The following KIAA1328 variants were observed in gnomAD, a reference collection of about 807,000 sequenced individuals.
KIAA1328 encodes protein hinderin.
KIAA1328 carries 52 observed loss-of-function variants against 68.1 expected under a neutral mutation model. That is an observed-to-expected ratio of 0.76 (90% confidence interval 0.61 to 0.96). The LOEUF is 0.96. Ranked by LOEUF, KIAA1328 falls within the 40% of genes least tolerant of loss-of-function variation. The pLI is 0.00. For missense variants in KIAA1328, 641 were observed against 677.6 expected (o/e 0.95, Z 0.60); for synonymous variants, 232 against 239.4 (o/e 0.97, Z 0.28).
chr18:36,983,519 C>T (rs2052781869), intron 6 of KIAA1328, among the ~76,000 whole-genome samples: 1 of 151,906 alleles, frequency 6.6e-6, no homozygotes, highest in Admixed American at 6.6e-5. Context: ...ATGTAGAACA[C>T]TTCAAAAATA....
intron 9 of KIAA1328, among the ~76,000 whole-genome samples, chr18:37,216,561 GT>G (rs1381720253): frequency 1.3e-5 from 2 of 152,138 alleles, no homozygotes; most frequent in Non-Finnish European, 2.9e-5. Flanking sequence ...TATGTGGTCA[GT>G]TTTGGAATAA....
intron 7 of KIAA1328, among the ~76,000 whole-genome samples, chr18:37,127,103 T>A (rs2058412078): frequency 6.6e-6 from 1 of 152,174 alleles, no homozygotes; most frequent in Admixed American, 6.5e-5. Context: ...AAAGGCTACA[T>A]TACTGGAAAG....
chr18:37,170,883 A>T (rs1248969261), intron 8 of KIAA1328, among the ~76,000 whole-genome samples: 1 of 152,196 alleles, frequency 6.6e-6, no homozygotes, highest in Non-Finnish European at 1.5e-5. Context: ...AAGGTAAAAC[A>T]ATAGAGATAG....
At chr18:37,069,900 T>C (rs1458600036) in intron 7 of KIAA1328, among the ~76,000 whole-genome samples, 1 of 152,102 alleles carries the variant, frequency 6.6e-6, no homozygotes, top group Non-Finnish European at 1.5e-5. Flanking sequence ...TTTCCTAATT[T>C]GTTAAGGTGG....
At chr18:36,880,706 A>G (rs958497238) in intron 4 of KIAA1328, among the ~76,000 whole-genome samples, 34 of 152,150 alleles carry the variant, frequency 2.2e-4, no homozygotes, top group African/African-American at 7.5e-4. Context: ...TGTTAACTGT[A>G]GGATTTTTTT....
At chr18:37,136,217 TG>T (rs2058641016) in intron 7 of KIAA1328, among the ~76,000 whole-genome samples, 2 of 152,344 alleles carry the variant, frequency 1.3e-5, no homozygotes, top group East Asian at 3.9e-4. Flanking sequence ...CAGTGGACCT[TG>T]GTTTTCTTAA....
chr18:36,893,465 T>TTTGTGTGTGTGTGTGTGTG (rs1556812093), intron 5 of KIAA1328, among the ~76,000 whole-genome samples: 7 of 120,598 alleles, frequency 5.8e-5, no homozygotes, highest in Non-Finnish European at 1.2e-4. Flanking sequence ...GTGTGTGTTT[T>TTTGTGTGTGTGTGTGTGTG]TGTGTGTGTG....
chr18:36,997,122 T>A (rs1399670912), intron 6 of KIAA1328, among the ~76,000 whole-genome samples: 1 of 152,036 alleles, frequency 6.6e-6, no homozygotes, highest in Non-Finnish European at 1.5e-5. Flanking sequence ...AAAAAAAAAA[T>A]TACTTTTAAA....
chr18:37,157,807 CAAAAAAAAAA>C (rs542590805), intron 7 of KIAA1328, among the ~76,000 whole-genome samples: 1 of 55,404 alleles, frequency 1.8e-5, no homozygotes, highest in South Asian at 8.6e-4. Context: ...GACTCCTCTC[CAAAAAAAAAA>C]AAAAAAAAAA....
chr18:37,077,691 G>GACAA (rs568149988), intron 7 of KIAA1328, among the ~76,000 whole-genome samples: 26,755 of 108,274 alleles, frequency 0.25, 4,826 homozygotes, highest in African/African-American at 0.45. Flanking sequence ...ACCAGTAACA[G>GACAA]ACAGAGAGCC....
At chr18:36,896,804 T>G (rs1263527711) in intron 5 of KIAA1328, among the ~76,000 whole-genome samples, 2 of 152,174 alleles carry the variant, frequency 1.3e-5, no homozygotes, top group African/African-American at 4.8e-5. Context: ...CATTACTGAT[T>G]TTCCTTAAAG....
chr18:36,972,763 C>T (rs981672519), intron 6 of KIAA1328, among the ~76,000 whole-genome samples: 2 of 152,160 alleles, frequency 1.3e-5, no homozygotes, highest in African/African-American at 4.8e-5. Context: ...CCGTTCCTGT[C>T]CCAGTAAGCA....
intron 5 of KIAA1328, among the ~76,000 whole-genome samples, chr18:36,951,321 A>G (rs1043513930): frequency 1.3e-5 from 2 of 152,186 alleles, no homozygotes; most frequent in Admixed American, 6.5e-5. Flanking sequence ...TATGTCTGGC[A>G]TCTCATTCAG....
At chr18:37,116,398 C>T (rs1338583826) in intron 7 of KIAA1328, among the ~76,000 whole-genome samples, 1 of 152,086 alleles carries the variant, frequency 6.6e-6, no homozygotes, top group Non-Finnish European at 1.5e-5. Context: ...CTGACAAAAA[C>T]AAGAAATGGG....
At chr18:37,183,496 C>T (rs1183642090) in intron 9 of KIAA1328, among the ~76,000 whole-genome samples, 1 of 152,176 alleles carries the variant, frequency 6.6e-6, no homozygotes, top group Non-Finnish European at 1.5e-5. Context: ...CTGCACATCT[C>T]CTTACTTCTT....
At chr18:37,163,722 T>A (rs930226816) in intron 8 of KIAA1328, among the ~76,000 whole-genome samples, 2 of 152,130 alleles carry the variant, frequency 1.3e-5, no homozygotes, top group Non-Finnish European at 2.9e-5. Context: ...ACAATTGGAG[T>A]GTCCAAAGTA....
intron 9 of KIAA1328, among the ~76,000 whole-genome samples, chr18:37,207,289 A>G (rs1420708738): frequency 1.3e-5 from 2 of 152,300 alleles, no homozygotes; most frequent in South Asian, 2.1e-4. Flanking sequence ...AGCCATTTCA[A>G]AAGATCCCCA....
chr18:37,214,395 A>T (rs565611600), intron 9 of KIAA1328, among the ~76,000 whole-genome samples: 6 of 152,312 alleles, frequency 3.9e-5, no homozygotes, highest in African/African-American at 1.4e-4. Context: ...AGCACCATTT[A>T]TTAAATAGGG....
Position 36,962,254 on chromosome 18 carries a change from T to A in KIAA1328, c.576+2819T>A, listed in dbSNP as rs116177335. Among the ~76,000 whole-genome samples, 483 of 152,184 alleles carry A rather than the reference T, an allele frequency of 3.2e-3. 4 individuals are homozygous for A. The highest frequency in any genetic ancestry group is 0.011 in the African/African-American group (460 of 41,520). ...ATTATATAATGGTAAAGAGATCAATTCCACAAGAAAAGCTAACTATCCTAA... is the reference window on the plus strand; with the variant it reads ...ATTATATAATGGTAAAGAGATCAATACCACAAGAAAAGCTAACTATCCTAA... On this transcript the variant is annotated intron_variant, in intron 6 of 9. Transcript: ENST00000280020.
Sources: allele counts gnomAD v4.1 joint callset (sites outside exome capture counted in the v4.1 genomes callset), GRCh38; gene constraint gnomAD v4.1.1; transcripts MANE v1.5; gene names NCBI Gene and HGNC (gene_info 2026-07-23, HGNC 2026-07-21).